The following ALDH1A1 variants were observed in gnomAD, a reference collection of about 807,000 sequenced individuals.
ALDH1A1 encodes the protein aldehyde dehydrogenase 1A1.
ALDH1A1 carries 19 observed loss-of-function variants against 62.1 expected under a neutral mutation model. The ratio of observed to expected loss-of-function variants is 0.31; its 90% CI spans 0.21 to 0.45. The LOEUF (loss-of-function observed/expected upper bound fraction) is 0.45. ALDH1A1 is among the 20% of genes least tolerant of loss of function. The pLI is 1.00. For synonymous variants in ALDH1A1, 231 were observed against 215.9 expected (o/e 1.07, Z -0.61); for missense variants, 521 against 607.1 (o/e 0.86, Z 1.49).
chr9:72,923,744 T>C, intron 7 of ALDH1A1: 1 of 231,922 alleles, frequency 4.3e-6, no homozygotes, highest in Non-Finnish European at 8.3e-6. Flanking sequence ...TTCCTAATAA[T>C]ATGACAAGGT....
intron 11 of ALDH1A1, among the ~76,000 whole-genome samples, chr9:72,908,862 G>T (rs993904948): frequency 1.3e-5 from 2 of 152,114 alleles, no homozygotes; most frequent in African/African-American, 4.8e-5. Flanking sequence ...GGTCAAAAAT[G>T]GGAGAGGGAG....
intron 2 of ALDH1A1, 52 bp downstream of exon 2, chr9:72,940,096 G>T: frequency 2.1e-6 from 3 of 1,400,022 alleles, no homozygotes; most frequent in Non-Finnish European, 3.0e-6. Context: ...GCTCAGAATG[G>T]CAAAAAACCA....
At chr9:72,921,644 A>C (rs1047517942) in intron 7 of ALDH1A1, among the ~76,000 whole-genome samples, 2 of 149,496 alleles carry the variant, frequency 1.3e-5, no homozygotes, top group Non-Finnish European at 3.0e-5. Flanking sequence ...ATCTAGCATT[A>C]GGTATATCTC....
chr9:72,929,724 C>T (rs1830256147), intron 3 of ALDH1A1, among the ~76,000 whole-genome samples: 1 of 152,128 alleles, frequency 6.6e-6, no homozygotes, highest in African/African-American at 2.4e-5. Context: ...GGGTGGTTAC[C>T]TGGCAGAAAT....
In ALDH1A1 at chr9:72,917,073, C is replaced by T; in HGVS notation, c.882G>A (p.Gly294=). 2 of 1,607,332 alleles carry T rather than the reference C, an allele frequency of 1.2e-6. No individual in the cohort carries two copies. The highest frequency in any genetic ancestry group is 1.3e-5 in the African/African-American group (1 of 74,664). The part of the protein sequence containing the change: ...LDNAVEFAHH[G]VFYHQGQCCI... The stretch of plus-strand genomic sequence containing the variant: ...AACACTGGCCCTGGTGGTAGAATAC[C>T]CCATGGTGTGCAAATTCAACAGCAT... Residue 294 remains glycine (G), a synonymous_variant, in exon 9 of 13, where the codon GGG becomes GGA. Coordinates refer to ENST00000297785, the MANE Select transcript of ALDH1A1 (RefSeq NM_000689.5).
intron 1 of ALDH1A1, among the ~76,000 whole-genome samples, chr9:72,946,482 C>T (rs903702940): frequency 6.6e-6 from 1 of 152,052 alleles, no homozygotes; most frequent in East Asian, 1.9e-4. Flanking sequence ...CAACACTTCA[C>T]ATCCTTCTCA....
In ALDH1A1 at chr9:72,925,469, T is replaced by C; in HGVS notation, c.633+15A>G. On this transcript the variant is annotated intron_variant, in intron 6 of 12. Coordinates refer to ENST00000297785, the MANE Select transcript of ALDH1A1 (RefSeq NM_000689.5). ...TCTTGAGTTCTTGAGCATATTTTGA[T>C]TTCGGGAGACTTACCTCTTTTATTA... The C allele has an allele frequency of 1.2e-6, 2 of 1,610,758 alleles. No individual in the cohort carries two copies. The highest frequency in any genetic ancestry group is 8.5e-7 in the Non-Finnish European group (1 of 1,178,958).
intron 7 of ALDH1A1, among the ~76,000 whole-genome samples, chr9:72,923,498 G>A (rs1037937313): frequency 6.6e-6 from 1 of 152,012 alleles, no homozygotes; most frequent in Non-Finnish European, 1.5e-5. Context: ...CTTTGTGGTT[G>A]GGGTCTTTTT....
intron 2 of ALDH1A1, among the ~76,000 whole-genome samples, chr9:72,933,930 G>A (rs1830316634): frequency 6.6e-6 from 1 of 152,084 alleles, no homozygotes. Flanking sequence ...TGGAGTAGCT[G>A]GGACTACAGG....
chr9:72,905,721 T>G (rs1018896195), intron 12 of ALDH1A1, among the ~76,000 whole-genome samples: 3 of 152,152 alleles, frequency 2.0e-5, no homozygotes, highest in African/African-American at 7.2e-5. Context: ...CCAATGTAAG[T>G]TGCTTAATAT....
intron 12 of ALDH1A1, among the ~76,000 whole-genome samples, chr9:72,901,972 T>TA (rs952530666): frequency 6.6e-6 from 1 of 152,104 alleles, no homozygotes; most frequent in Non-Finnish European, 1.5e-5. Context: ...TTAAAACTTT[T>TA]AAATTGTTTT....
chr9:72,942,098 C>G (rs936006196), intron 1 of ALDH1A1, among the ~76,000 whole-genome samples: 1 of 152,118 alleles, frequency 6.6e-6, no homozygotes, highest in Non-Finnish European at 1.5e-5. Flanking sequence ...ACACTAGGCT[C>G]TTAGATCAAC....
At chr9:72,913,526 A>G (rs1830018062) in intron 9 of ALDH1A1, among the ~76,000 whole-genome samples, 1 of 152,198 alleles carries the variant, frequency 6.6e-6, no homozygotes, top group Non-Finnish European at 1.5e-5. Flanking sequence ...TCTTATTGGA[A>G]CATATTAATC....
chr9:72,912,055 A>G lies in ALDH1A1; in HGVS notation c.1103T>C (p.Leu368Pro). Residue 368 changes from leucine to proline, a missense_variant, in exon 10 of 13, where the codon CTG (leucine) becomes CCG (proline). Leu to Pro is a moderately conservative substitution (Grantham distance 98, BLOSUM62 -3). Coordinates refer to ENST00000297785, the MANE Select transcript of ALDH1A1 (RefSeq NM_000689.5). ...CCCCCACGGGCCTCCTCCACATTCC[A>G]GTTTGGCCCCTTCTTTCTTCCCACT... ...IESGKKEGAK[L>P]ECGGGPWGNK... The G allele has an allele frequency of 6.2e-7, 1 of 1,613,838 alleles. No individual in the cohort carries two copies. Among genetic ancestry groups the G allele is most frequent in the South Asian group, 1.1e-5 (1 of 91,066 alleles).
intron 5 of ALDH1A1, among the ~76,000 whole-genome samples, chr9:72,926,056 G>C (rs1420359027): frequency 9.9e-5 from 15 of 152,192 alleles, no homozygotes. Flanking sequence ...AAGATGTCCA[G>C]GGTCCAGAGG....
At chr9:72,925,657 C>T (rs1830195847) in intron 5 of ALDH1A1, 45 bp from the exon 6 acceptor site, 1 of 1,591,080 alleles carries the variant, frequency 6.3e-7, no homozygotes, top group Non-Finnish European at 8.6e-7. Flanking sequence ...TTGCAAAAGG[C>T]ATATTTGCTA....
At chr9:72,932,119 A>C (rs1259147523) in intron 2 of ALDH1A1, among the ~76,000 whole-genome samples, 1 of 152,234 alleles carries the variant, frequency 6.6e-6, no homozygotes, top group East Asian at 1.9e-4. Flanking sequence ...GGAATATATC[A>C]TTCCAGTGTT....
At chr9:72,911,392 C>T (rs1158415902) in intron 10 of ALDH1A1, among the ~76,000 whole-genome samples, 1 of 152,112 alleles carries the variant, frequency 6.6e-6, no homozygotes, top group Non-Finnish European at 1.5e-5. Flanking sequence ...ACTCTCTTAG[C>T]AATATTCAAG....
intron 2 of ALDH1A1, among the ~76,000 whole-genome samples, chr9:72,935,281 T>C (rs73647853): frequency 0.017 from 2,548 of 152,302 alleles, 71 homozygotes; most frequent in African/African-American, 0.055. Flanking sequence ...AGAAAACAAT[T>C]TGGTACATTA....
Sources: gnomAD v4.1 joint callset for allele counts (sites outside exome capture counted in the v4.1 genomes callset) on GRCh38, gnomAD v4.1.1 for gene constraint, MANE v1.5 for transcripts, NCBI Gene and HGNC (gene_info 2026-07-23, HGNC 2026-07-21) for gene names.